The following EML6 variants were observed in gnomAD, a reference collection of about 807,000 sequenced individuals.
EML6 encodes the protein EMAP like 6.
EML6 carries 154 observed loss-of-function variants against 240.1 expected under a neutral mutation model. The observed-to-expected ratio is 0.64, with a 90% CI of 0.56 to 0.73. The LOEUF (loss-of-function observed/expected upper bound fraction) is 0.73. Ranked by LOEUF, EML6 falls within the 30% of genes least tolerant of loss-of-function variation. EML6 has a pLI of 0.00. For synonymous variants in EML6, 1,148 were observed against 899.0 expected, an observed-to-expected ratio of 1.28 and a Z score of -4.95; for missense variants, 2,964 against 2,474.6, an observed-to-expected ratio of 1.20 and a Z score of -4.20.
chr2:54,863,842 C>G lies in EML6; in HGVS notation c.1885C>G (p.Leu629Val). The change falls in exon 13 of 42, where the codon CTG (leucine) becomes GTG (valine). Residue 629 changes from leucine (L) to valine (V), a missense_variant. Physicochemically the swap from Leu to Val is conservative, Grantham distance 32 (BLOSUM62 1). Coordinates refer to ENST00000356458, the MANE Select transcript of EML6 (RefSeq NM_001039753.4). The stretch of plus-strand genomic sequence containing the variant: ...TTCAGATTTATCTGATGTGCCCGAA[C>G]TGGACTCTGATATTGAGCAAGAAGC... ...SDSDLSDVPE[L>V]DSDIEQEAQI... 9.7e-6 allele frequency: 15 copies of G among 1,549,266 alleles called. No homozygotes were observed. The highest frequency in any genetic ancestry group is 1.3e-5 in the Non-Finnish European group (15 of 1,145,896).
chr2:54,802,178 C>T (rs531398098), intron 2 of EML6, among the ~76,000 whole-genome samples: 1 of 152,278 alleles, frequency 6.6e-6, no homozygotes, highest in South Asian at 2.1e-4. Context: ...TTTTAAAATA[C>T]TGATGGCAGA....
intron 24 of EML6, among the ~76,000 whole-genome samples, chr2:54,904,916 G>A (rs997395061): frequency 6.6e-6 from 1 of 152,208 alleles, no homozygotes; most frequent in Non-Finnish European, 1.5e-5. Flanking sequence ...CAGGTATTTA[G>A]TTGTAACTAT....
intron 24 of EML6, 64 bp from the exon 25 acceptor site, chr2:54,910,890 C>T: frequency 1.3e-6 from 1 of 795,682 alleles, no homozygotes; most frequent in Admixed American, 2.4e-5. Context: ...CCATGCTTCT[C>T]ATTTTATAAT....
intron 2 of EML6, among the ~76,000 whole-genome samples, chr2:54,783,430 C>T (rs1324901258): frequency 6.6e-6 from 1 of 152,080 alleles, no homozygotes; most frequent in Non-Finnish European, 1.5e-5. Flanking sequence ...TCTGTAATAC[C>T]ATTAGGTCAG....
chr2:54,797,168 A>AAAAAAAAAAAAAAAAAAAAAAAAAAAC (rs1669841546), intron 2 of EML6, among the ~76,000 whole-genome samples: 17 of 125,846 alleles, frequency 1.4e-4, no homozygotes, highest in Non-Finnish European at 2.7e-4. Context: ...CCATCTCAAA[A>AAAAAAAAAAAAAAAAAAAAAAAAAAAC]AAAAAAAAAA....
At chr2:54,849,789 A>T (rs1210834380) in intron 9 of EML6, among the ~76,000 whole-genome samples, 173 bp from the exon 10 acceptor site, 1 of 152,220 alleles carries the variant, frequency 6.6e-6, no homozygotes, top group Admixed American at 6.5e-5. Flanking sequence ...CGCCCGGCCA[A>T]TGCCATAAAT....
intron 5 of EML6, among the ~76,000 whole-genome samples, chr2:54,826,918 A>T (rs1327438001): frequency 1.3e-5 from 2 of 152,160 alleles, no homozygotes; most frequent in Admixed American, 1.3e-4. Flanking sequence ...CACACCTGTA[A>T]TTCTAGCACT....
In EML6 at chr2:54,816,991, A is replaced by AT. The variant is rs575974835; in HGVS notation, c.456+112dup. Reference sequence around the variant, plus strand: ...TTTAACAGTAAATATTTCAGTATACATTTTTTCCTATTAAACTTATAATCA... The same window carrying AT: ...TTTAACAGTAAATATTTCAGTATACATTTTTTTCCTATTAAACTTATAATCA... On this transcript the variant is annotated intron_variant, in intron 4 of 41. Coordinates refer to ENST00000356458, the MANE Select transcript of EML6 (RefSeq NM_001039753.4). 2.6e-4 allele frequency: 179 copies of AT among 690,174 alleles called. No individual in the cohort carries two copies. The South Asian group carries it at 3.1e-3, about 12-fold the overall frequency. The allele number at this position is 690,174 out of a possible 1,614,324, so 42.8% of individuals were successfully genotyped here. A position where few individuals can be genotyped will look rare whatever the true frequency, so the allele number is the denominator to read the frequency against.
rs112243857 is a variant in EML6 at position 54,900,078 on chromosome 2, G to T, written c.3124+296G>T. Reference sequence around the variant, plus strand: ...TCATTGAGAGCTGTGGGAGTCAATTGAAATTCATCAGCTTTTAAAGAATGC... The same window carrying T: ...TCATTGAGAGCTGTGGGAGTCAATTTAAATTCATCAGCTTTTAAAGAATGC... On this transcript the variant is annotated intron_variant, in intron 22 of 41. Transcript: ENST00000356458. 6.8e-3 allele frequency among the ~76,000 whole-genome samples: 1,029 copies of T among 152,308 alleles called. 13 individuals carry two copies. The highest frequency in any genetic ancestry group is 0.024 in the African/African-American group (996 of 41,568).
rs778239937 is a variant in EML6, at chr2:54,903,329, A to T, written c.3278-42A>T. 5 of 1,543,062 alleles carry T rather than the reference A, an allele frequency of 3.2e-6. No homozygotes were observed. The African/African-American group carries it at 4.1e-5, about 13-fold the overall frequency. On this transcript the variant is annotated intron_variant, in intron 23 of 41. Transcript: ENST00000356458. ...ACTAAGTTCCTGGAAGTAAATTCCT[A>T]TATAAAATGCTTCGATGTTAACCCC...
intron 22 of EML6, among the ~76,000 whole-genome samples, chr2:54,902,810 A>G (rs1673128988): frequency 6.6e-6 from 1 of 152,204 alleles, no homozygotes; most frequent in Non-Finnish European, 1.5e-5. Flanking sequence ...CCTGGGCTCA[A>G]GAGTTCCACC....
Position 54,911,055 on chromosome 2 carries a change from C to G in EML6, c.3498+13C>G. On this transcript the variant is annotated intron_variant, in intron 25 of 41. Coordinates refer to ENST00000356458, the MANE Select transcript of EML6 (RefSeq NM_001039753.4). ...AAGACCTTCAGAGGTAATAATCATA[C>G]ACAAAGATTTTTAAAGATATTTTGT... 7.4e-7 allele frequency: 1 copy of G among 1,347,252 alleles called. No individual in the cohort carries two copies. Among genetic ancestry groups the G allele is most frequent in the Non-Finnish European group, 1.0e-6 (1 of 976,506 alleles). The allele number at this position is 1,347,252 out of a possible 1,614,324, so 83.5% of individuals were successfully genotyped here.
chr2:54,879,033 T>C (rs1671675235), intron 16 of EML6, among the ~76,000 whole-genome samples: 1 of 152,232 alleles, frequency 6.6e-6, no homozygotes, highest in Non-Finnish European at 1.5e-5. Context: ...AAAGAATTTT[T>C]TAAGTTAAAT....
intron 2 of EML6, among the ~76,000 whole-genome samples, chr2:54,790,030 C>T (rs1442315185): frequency 6.6e-6 from 1 of 152,296 alleles, no homozygotes; most frequent in South Asian, 2.1e-4. Context: ...GAAAAATGCA[C>T]AGGTAACCTG....
intron 2 of EML6, among the ~76,000 whole-genome samples, chr2:54,769,900 C>G (rs1668338453): frequency 6.6e-6 from 1 of 152,162 alleles, no homozygotes; most frequent in Admixed American, 6.5e-5. Context: ...TTTTCTCCTC[C>G]TCTCGGACTC....
chr2:54,753,140 G>A, intron 2 of EML6, among the ~76,000 whole-genome samples: 1 of 152,224 alleles, frequency 6.6e-6, no homozygotes, highest in East Asian at 1.9e-4. Flanking sequence ...TACCACTAAT[G>A]TATGAGAGTT....
intron 26 of EML6, among the ~76,000 whole-genome samples, chr2:54,924,565 TTTA>T (rs1674442708): frequency 6.6e-6 from 1 of 152,036 alleles, no homozygotes. Context: ...AAAAAAATTA[TTTA>T]TTATTTTTCA....
chr2:54,821,416 A>C (rs17046386), intron 5 of EML6, among the ~76,000 whole-genome samples: 1 of 152,118 alleles, frequency 6.6e-6, no homozygotes, highest in African/African-American at 2.4e-5. Flanking sequence ...TGGAGTGACA[A>C]TGTTGATTCT....
At chr2:54,743,551 C>G (rs920239945) in intron 2 of EML6, among the ~76,000 whole-genome samples, 2 of 152,182 alleles carry the variant, frequency 1.3e-5, no homozygotes, top group Non-Finnish European at 2.9e-5. Flanking sequence ...GAACCTATTT[C>G]TGACTCCAAA....
Sources: allele counts gnomAD v4.1 joint callset (sites outside exome capture counted in the v4.1 genomes callset), GRCh38; gene constraint gnomAD v4.1.1; transcripts MANE v1.5; gene names NCBI Gene and HGNC (gene_info 2026-07-23, HGNC 2026-07-21).